The following TNPO3 variants were observed in gnomAD, a reference collection of about 807,000 sequenced individuals.
TNPO3 encodes the protein transportin 3.
A neutral mutation model predicts 122.8 loss-of-function variants in TNPO3; 65 were observed. That is an observed-to-expected ratio of 0.53 (90% confidence interval 0.43 to 0.65). TNPO3 has a LOEUF of 0.65. Among genes scored for constraint, TNPO3 ranks in the 30% least tolerant of loss-of-function variants. The pLI, the probability that TNPO3 is intolerant of heterozygous loss-of-function variation, is 0.00. For synonymous variants in TNPO3, 372 were observed against 411.2 expected, an observed-to-expected ratio of 0.90 and a Z score of 1.15; for missense variants, 850 against 1,136.7, an observed-to-expected ratio of 0.75 and a Z score of 3.63.
chr7:128,997,461 A>G lies in TNPO3; in HGVS notation c.1086T>C (p.His362=), dbSNP rs775748481. The change falls in exon 8 of 23, where the codon CAT becomes CAC. Residue 362 remains histidine, a synonymous_variant. Transcript: ENST00000265388. ...HLYKTNDEVI[H]GIFKAYIQRL... ...TCTGAATGTAAGCTTTGAAGATGCCATGAATAACTTCATCGTTAGTTTTGT... is the reference window on the plus strand; with the variant it reads ...TCTGAATGTAAGCTTTGAAGATGCCGTGAATAACTTCATCGTTAGTTTTGT... The G allele has an allele frequency of 5.0e-6, 8 of 1,614,046 alleles. No individual in the cohort carries two copies. The East Asian group carries it at 1.8e-4, about 36-fold the overall frequency.
intron 4 of TNPO3, among the ~76,000 whole-genome samples, chr7:129,012,602 C>CT (rs1408252459): frequency 6.6e-6 from 1 of 152,062 alleles, no homozygotes; most frequent in African/African-American, 2.4e-5. Context: ...CTAAATACTA[C>CT]TTTTTTTACC....
chr7:129,002,954 G>A (rs1268162848), intron 5 of TNPO3, among the ~76,000 whole-genome samples: 1 of 145,774 alleles, frequency 6.9e-6, no homozygotes, highest in Non-Finnish European at 1.5e-5. Context: ...GCAGGAGAAT[G>A]GCATGAACCC....
chr7:129,040,541 A>G, intron 1 of TNPO3, among the ~76,000 whole-genome samples: 1 of 152,202 alleles, frequency 6.6e-6, no homozygotes, highest in East Asian at 1.9e-4. Context: ...TATACATATA[A>G]GAAAAAAATT....
intron 1 of TNPO3, among the ~76,000 whole-genome samples, chr7:129,047,529 T>A (rs1299484618): frequency 6.6e-6 from 1 of 152,216 alleles, no homozygotes; most frequent in African/African-American, 2.4e-5. Context: ...TTTAGAGCAA[T>A]GAATACAGAT....
At chr7:128,957,338 G>A (rs756925992) in intron 21 of TNPO3, 23 bp from the exon 22 acceptor site, 1 of 1,613,740 alleles carries the variant, frequency 6.2e-7, no homozygotes, top group Non-Finnish European at 8.5e-7. Flanking sequence ...AGGTAGGTTG[G>A]TCCTTGACTG....
At chr7:128,964,961 G>T (rs937357464) in intron 21 of TNPO3, among the ~76,000 whole-genome samples, 5 of 152,112 alleles carry the variant, frequency 3.3e-5, no homozygotes, top group Non-Finnish European at 7.4e-5. Context: ...TCAAAGACCT[G>T]ATATAAGACC....
intron 1 of TNPO3, among the ~76,000 whole-genome samples, chr7:129,035,602 C>T (rs1806545647): frequency 1.3e-5 from 2 of 151,806 alleles, no homozygotes; most frequent in Admixed American, 6.6e-5. Context: ...GATGACAGAG[C>T]GAGACCACGT....
At chr7:129,018,200 T>A (rs1804060271) in intron 1 of TNPO3, 43 bp from the exon 2 acceptor site, 1 of 1,588,946 alleles carries the variant, frequency 6.3e-7, no homozygotes, top group East Asian at 2.2e-5. Context: ...AAGACTACTT[T>A]TCTAATTTTA....
intron 1 of TNPO3, among the ~76,000 whole-genome samples, chr7:129,035,360 T>C (rs1584587921): frequency 1.3e-5 from 2 of 152,262 alleles, no homozygotes; most frequent in South Asian, 4.1e-4. Context: ...CCTAGCACTT[T>C]GGGAGGCTGA....
chr7:129,052,130 TC>T (rs1450976842), intron 1 of TNPO3, among the ~76,000 whole-genome samples: 12 of 152,170 alleles, frequency 7.9e-5, no homozygotes, highest in Non-Finnish European at 1.5e-4. Flanking sequence ...TTTTCCACCC[TC>T]CTCTATCATG....
At chr7:128,972,041 G>A (rs1798542197) in intron 19 of TNPO3, among the ~76,000 whole-genome samples, 1 of 152,128 alleles carries the variant, frequency 6.6e-6, no homozygotes, top group African/African-American at 2.4e-5. Context: ...CTGTAGTCCT[G>A]GCTACTCAGT....
intron 1 of TNPO3, among the ~76,000 whole-genome samples, chr7:129,035,432 G>A (rs114323744): frequency 0.014 from 2,078 of 151,786 alleles, 61 homozygotes; most frequent in African/African-American, 0.048. Context: ...GTGAGACCTC[G>A]TCTCTACACA....
chr7:129,048,170 G>A (rs1211431995), intron 1 of TNPO3, among the ~76,000 whole-genome samples: 1 of 152,160 alleles, frequency 6.6e-6, no homozygotes, highest in Non-Finnish European at 1.5e-5. Context: ...CAAGGCTGCA[G>A]TGAGCAGTAA....
Position 128,989,973 on chromosome 7 carries a change from G to C in TNPO3, c.1486C>G (p.Pro496Ala). 1 of 1,614,088 alleles carries C rather than the reference G, an allele frequency of 6.2e-7. No homozygotes were observed. The highest frequency in any genetic ancestry group is 2.2e-5 in the East Asian group (1 of 44,882). Residue 496 changes from proline to alanine, a missense_variant, in exon 11 of 23, where the codon CCT (proline) becomes GCT (alanine). Physicochemically the swap from Pro to Ala is conservative, Grantham distance 27 (BLOSUM62 -1). Coordinates refer to ENST00000265388, the MANE Select transcript of TNPO3 (RefSeq NM_012470.4). ...AGATTACACATACCAAGGAACTGAGGATTTCGATCAACGACTTCACTCATC... is the reference window on the plus strand; with the variant it reads ...AGATTACACATACCAAGGAACTGAGCATTTCGATCAACGACTTCACTCATC... ...GEMSEVVDRNPQFLDPVLGYL... is the reference protein window; with the variant it reads ...GEMSEVVDRNAQFLDPVLGYL...
chr7:129,010,506 G>A (rs1479564405), intron 4 of TNPO3, among the ~76,000 whole-genome samples: 1 of 152,096 alleles, frequency 6.6e-6, no homozygotes, highest in Non-Finnish European at 1.5e-5. Flanking sequence ...ATTATCTACT[G>A]GAATGTAAAA....
At chr7:129,054,118 AG>A (rs980434080) in intron 1 of TNPO3, among the ~76,000 whole-genome samples, 1 of 152,214 alleles carries the variant, frequency 6.6e-6, no homozygotes, top group African/African-American at 2.4e-5. Flanking sequence ...CTCCAAAGCA[AG>A]GGGAAAACTC....
At chr7:129,047,801 T>C (rs1044277793) in intron 1 of TNPO3, among the ~76,000 whole-genome samples, 2 of 152,244 alleles carry the variant, frequency 1.3e-5, no homozygotes, top group African/African-American at 4.8e-5. Context: ...TTCAAATGGA[T>C]GTTAAAACAC....
Position 128,990,357 on chromosome 7 carries a change from T to C in TNPO3, c.1359-257A>G, listed in dbSNP as rs867056021. On this transcript the variant is annotated intron_variant, in intron 10 of 22. Coordinates refer to ENST00000265388, the MANE Select transcript of TNPO3 (RefSeq NM_012470.4). ...TGCCAGTAAAGTGCCTACAGACACA[T>C]CAAGCTATCAAATGCAGGCTCTTTA... 1.4e-4 allele frequency among the ~76,000 whole-genome samples: 21 copies of C among 152,244 alleles called. 1 individual carries two copies. The highest frequency in any genetic ancestry group is 4.6e-4 in the African/African-American group (19 of 41,466).
chr7:128,998,553 T>C (rs888382128), intron 7 of TNPO3, among the ~76,000 whole-genome samples: 18 of 151,824 alleles, frequency 1.2e-4, no homozygotes, highest in Admixed American at 5.9e-4. Context: ...CGACAGGGTC[T>C]TGCTCTGCCA....
Sources: allele counts gnomAD v4.1 joint callset (sites outside exome capture counted in the v4.1 genomes callset), GRCh38; gene constraint gnomAD v4.1.1; transcripts MANE v1.5; gene names NCBI Gene and HGNC (gene_info 2026-07-23, HGNC 2026-07-21).